The following NCAPG variants were observed in gnomAD, a reference collection of about 807,000 sequenced individuals.
The protein encoded by NCAPG is non-SMC condensin I complex subunit G.
Under a neutral mutation model 113.1 loss-of-function variants are expected in NCAPG, and 69 were observed. The observed-to-expected ratio is 0.61, with a 90% CI of 0.50 to 0.75. NCAPG has a LOEUF of 0.75. Ranked by LOEUF, NCAPG falls within the 30% of genes least tolerant of loss-of-function variation. The probability of loss-of-function intolerance (pLI) is 0.00; values close to 1 mark genes in which losing one functional copy is unlikely to be tolerated. For missense variants in NCAPG, 1,058 were observed against 1,177.0 expected (o/e 0.90, Z 1.48); for synonymous variants, 370 against 415.8 (o/e 0.89, Z 1.34).
Position 17,817,104 on chromosome 4 carries a change from T to G in NCAPG, c.776-157T>G, listed in dbSNP as rs936601045. 10 of 554,800 alleles carry G rather than the reference T, an allele frequency of 1.8e-5. No individual in the cohort carries two copies. In the African/African-American group the frequency reaches 1.9e-4, roughly 11 times the overall value. The allele number at this position is 554,800 out of a possible 1,614,324, so 34.4% of individuals were successfully genotyped here. A position where few individuals can be genotyped will look rare whatever the true frequency, so the allele number is the denominator to read the frequency against. ...CTCCAGCCTGGTGACAGAGCGAGAC[T>G]CTGTCTCAAAAAATATATATATACA... On this transcript the variant is annotated intron_variant, in intron 5 of 20. Coordinates refer to ENST00000251496, the MANE Select transcript of NCAPG (RefSeq NM_022346.5).
At position 17,819,442 on chromosome 4, in the gene NCAPG, G is replaced by A. The variant is rs182676930; in HGVS notation, c.1118+1354G>A. 5.9e-4 allele frequency among the ~76,000 whole-genome samples: 88 copies of A among 149,770 alleles called. No individual in the cohort carries two copies. In the East Asian group the frequency reaches 9.0e-3, roughly 15 times the overall value. ...TTTTGAGACGGAGTCTTGCTCTGTC[G>A]CCAGGCTGGAGTGCAATAGTGCAAT... is the stretch of plus-strand genomic sequence containing the variant. On this transcript the variant is annotated intron_variant, in intron 7 of 20. Transcript: ENST00000251496.
intron 11 of NCAPG, among the ~76,000 whole-genome samples, chr4:17,827,273 T>A (rs986629009): frequency 2.6e-5 from 4 of 152,228 alleles, no homozygotes; most frequent in African/African-American, 9.6e-5. Flanking sequence ...ATTAAAAATT[T>A]TGTATTCTAA....
At position 17,840,120 on chromosome 4, in the gene NCAPG, A is replaced by G. The variant is rs1257097444; in HGVS notation, c.2678A>G (p.Gln893Arg). The G allele has an allele frequency of 5.0e-6, 8 of 1,612,162 alleles. No homozygotes were observed. In the African/African-American group the frequency reaches 1.1e-4, roughly 22 times the overall value. The change falls in exon 18 of 21, where the codon CAG (glutamine) becomes CGG (arginine). Residue 893 changes from glutamine (Q) to arginine (R), a missense_variant. Physicochemically the swap from Gln to Arg is conservative, Grantham distance 43. Transcript: ENST00000251496. ...AGAGCTTTGGAGAAAATCAAGATTCAGTTAGAAAAAGGAAATAAAGAATTT... is the reference window on the plus strand; with the variant it reads ...AGAGCTTTGGAGAAAATCAAGATTCGGTTAGAAAAAGGAAATAAAGAATTT... ...CLRALEKIKIQLEKGNKEFGD... is the reference protein window; with the variant it reads ...CLRALEKIKIRLEKGNKEFGD...
chr4:17,825,127 C>A, intron 10 of NCAPG, 70 bp downstream of exon 10: 2 of 1,110,618 alleles, frequency 1.8e-6, no homozygotes, highest in South Asian at 1.4e-5. Flanking sequence ...TTTCCTCTTG[C>A]TGTGCAGTTC....
chr4:17,817,499 T>C, intron 6 of NCAPG, 46 bp downstream of exon 6: 1 of 1,503,236 alleles, frequency 6.7e-7, no homozygotes, highest in East Asian at 2.3e-5. Context: ...GATTAACTTG[T>C]GCAATTAATT....
intron 12 of NCAPG, 70 bp from the exon 13 acceptor site, chr4:17,830,927 T>C: frequency 1.4e-6 from 2 of 1,478,886 alleles, no homozygotes; most frequent in Middle Eastern, 2.1e-4. Flanking sequence ...ATGACACCTT[T>C]GAGGTAATAG....
chr4:17,837,860 A>C (rs1463333845), intron 16 of NCAPG, 59 bp downstream of exon 16: 1 of 1,586,634 alleles, frequency 6.3e-7, no homozygotes, highest in African/African-American at 1.3e-5. Context: ...TCTCTCTCAA[A>C]GATCCCTTGA....
intron 11 of NCAPG, 40 bp from the exon 12 acceptor site, chr4:17,828,238 G>C: frequency 7.1e-7 from 1 of 1,413,586 alleles, no homozygotes. Context: ...AGGATGGGGA[G>C]AAGATATTAC....
In NCAPG at chr4:17,823,030, T is replaced by C. The variant is rs1721522384; in HGVS notation, c.1166T>C (p.Phe389Ser). 6.2e-7 allele frequency: 1 copy of C among 1,608,930 alleles called. No homozygotes were observed. Among genetic ancestry groups the C allele is most frequent in the Non-Finnish European group, 8.5e-7 (1 of 1,178,050 alleles). The change falls in exon 8 of 21, where the codon TTT becomes TCT. Residue 389 changes from phenylalanine to serine, a missense_variant. By Grantham distance (155) the Phe-to-Ser change is radical. Transcript: ENST00000251496. ...PVVNEEHRGD[F>S]SYIGNLMTKE... Reference sequence around the variant, plus strand: ...GTTAATGAAGAACACAGAGGTGATTTTTCCTATATTGGAAATTTGATGACA... The same window carrying C: ...GTTAATGAAGAACACAGAGGTGATTCTTCCTATATTGGAAATTTGATGACA...
Position 17,840,878 on chromosome 4 carries a change from A to G in NCAPG, c.2854+185A>G, listed in dbSNP as rs539671492. On this transcript the variant is annotated intron_variant, in intron 19 of 20. Transcript: ENST00000251496. ...GTCAGTTTTTGCCTTGTGTCTAAAG[A>G]TTATAAAATCAGTGTTGCTCTTGGT... Among the ~76,000 whole-genome samples the G allele has an allele frequency of 3.3e-5, 5 of 152,034 alleles. No individual in the cohort carries two copies. The East Asian group carries it at 9.7e-4, about 29-fold the overall frequency.
chr4:17,817,327 T>C lies in NCAPG; in HGVS notation c.842T>C (p.Ile281Thr), dbSNP rs747639864. Residue 281 changes from isoleucine (I) to threonine (T), a missense_variant, in exon 6 of 21, where the codon ATC becomes ACC. Transcript: ENST00000251496. ...QGWLRFSEGN[I>T]LELLHRLDVE... ...TGGTTACGGTTCTCTGAAGGAAATA[T>C]CTTAGAGTTGCTCCATCGGTTGGAT... 72 of 1,613,974 alleles carry C rather than the reference T, an allele frequency of 4.5e-5. No individual in the cohort carries two copies. Among genetic ancestry groups the C allele is most frequent in the Admixed American group, 1.7e-5 (1 of 59,996 alleles).
chr4:17,833,880 G>A (rs1721977403), intron 13 of NCAPG, among the ~76,000 whole-genome samples: 1 of 152,088 alleles, frequency 6.6e-6, no homozygotes, highest in Non-Finnish European at 1.5e-5. Flanking sequence ...TCATTGCTTA[G>A]AATGTAATGT....
At position 17,823,688 on chromosome 4, in the gene NCAPG, C is replaced by T. The variant is rs1468361058; in HGVS notation, c.1301C>T (p.Pro434Leu). ...LAVLQEILIL[P>L]TIPISLVSFL... ...GTTTTACAGGAGATTCTTATTTTAC[C>T]CACAATCCCAATATCCCTGGTTTCT... The change falls in exon 9 of 21, where the codon CCC (proline) becomes CTC (leucine). Residue 434 changes from proline to leucine, a missense_variant. Physicochemically the swap from Pro to Leu is moderately conservative, Grantham distance 98 (BLOSUM62 -3). Coordinates refer to ENST00000251496, the MANE Select transcript of NCAPG (RefSeq NM_022346.5). The T allele has an allele frequency of 5.0e-6, 8 of 1,610,422 alleles. No homozygotes were observed. Among genetic ancestry groups the T allele is most frequent in the Middle Eastern group, 1.7e-4 (1 of 6,038 alleles).
chr4:17,814,881 A>G lies in NCAPG; in HGVS notation c.573A>G (p.Ser191=). The change falls in exon 4 of 21, where the codon TCA becomes TCG. Residue 191 remains serine, a synonymous_variant. Coordinates refer to ENST00000251496, the MANE Select transcript of NCAPG (RefSeq NM_022346.5). ...ATGCTACTTTGATTGAAAATGATTCAAATCCAGAAGTTAGACGGGCAGTGT... is the reference window on the plus strand; with the variant it reads ...ATGCTACTTTGATTGAAAATGATTCGAATCCAGAAGTTAGACGGGCAGTGT... The part of the protein sequence containing the change: ...NAYATLIEND[S]NPEVRRAVLS... 6.2e-7 allele frequency: 1 copy of G among 1,614,194 alleles called. No homozygotes were observed.
At chr4:17,830,891 ACTTAC>A (rs753025697) in intron 12 of NCAPG, 101 bp from the exon 13 acceptor site, 9 of 1,177,842 alleles carry the variant, frequency 7.6e-6, no homozygotes. Context: ...GCAATTTAAT[ACTTAC>A]CTTTTCTTTA....
chr4:17,835,928 G>A (rs1485840328), intron 14 of NCAPG, among the ~76,000 whole-genome samples: 1 of 152,158 alleles, frequency 6.6e-6, no homozygotes, highest in Non-Finnish European at 1.5e-5. Context: ...TGCTTACTAT[G>A]AACATGGCAT....
rs1720981559 is a variant in NCAPG at position 17,811,960 on chromosome 4, G to A, written c.112-261G>A. ...CGTACTGGTACTAAAGGCTTATTGA[G>A]AATCAAAGATATTGAAAAAAATATA... is the stretch of plus-strand genomic sequence containing the variant. On this transcript the variant is annotated intron_variant, in intron 1 of 20. Transcript: ENST00000251496. The surrounding 1 kb of genome is among the most constrained non-coding windows in gnomAD (Gnocchi z 5.3). Among the ~76,000 whole-genome samples the A allele has an allele frequency of 6.6e-6, 1 of 152,142 alleles. No homozygotes were observed. Among genetic ancestry groups the A allele is most frequent in the Admixed American group, 6.5e-5 (1 of 15,272 alleles).
Position 17,825,412 on chromosome 4 carries a change from G to C in NCAPG, c.1504G>C (p.Ala502Pro). 1 of 1,591,778 alleles carries C rather than the reference G, an allele frequency of 6.3e-7. No homozygotes were observed. Among genetic ancestry groups the C allele is most frequent in the Non-Finnish European group, 8.5e-7 (1 of 1,174,572 alleles). The change falls in exon 11 of 21, where the codon GCC (alanine) becomes CCC (proline). Residue 502 changes from alanine (A) to proline (P), a missense_variant. By Grantham distance (27) the Ala-to-Pro change is conservative. Coordinates refer to ENST00000251496, the MANE Select transcript of NCAPG (RefSeq NM_022346.5). ...MAEIKVKLIE[A>P]KEALENCITL... ...TGAAATAAAAGTTAAGCTTATCGAA[G>C]CCAAAGAAGCTTTGGAAAATTGCAT...
At chr4:17,819,956 T>C (rs1353837187) in intron 7 of NCAPG, among the ~76,000 whole-genome samples, 1 of 152,210 alleles carries the variant, frequency 6.6e-6, no homozygotes, top group Non-Finnish European at 1.5e-5. Flanking sequence ...AGCATTTTAA[T>C]GTTAATTATT....
Sources: gnomAD v4.1 joint callset for allele counts (sites outside exome capture counted in the v4.1 genomes callset) on GRCh38, gnomAD v4.1.1 for gene constraint, Gnocchi (gnomAD v3.1) non-coding constraint, MANE v1.5 for transcripts, NCBI Gene and HGNC (gene_info 2026-07-23, HGNC 2026-07-21) for gene names.